Variants in PRDM4 observed in about 807,000 individuals in gnomAD.
The protein encoded by PRDM4 is PR/SET domain 4.
Under a neutral mutation model 62.3 loss-of-function variants are expected in PRDM4, and 38 were observed. The observed-to-expected ratio is 0.61, with a 90% CI of 0.47 to 0.80. PRDM4 has a LOEUF of 0.80. Among genes scored for constraint, PRDM4 ranks in the 30% least tolerant of loss-of-function variants. PRDM4 has a pLI of 0.00. For missense variants in PRDM4, 858 were observed against 997.1 expected (o/e 0.86, Z 1.88); for synonymous variants, 339 against 348.2 (o/e 0.97, Z 0.30).
intron 5 of PRDM4, 113 bp from the exon 6 acceptor site, chr12:107,746,537 T>G (rs1260538835): frequency 5.8e-6 from 6 of 1,033,254 alleles, no homozygotes; most frequent in Non-Finnish European, 6.7e-6. Flanking sequence ...CAGGCTGGAG[T>G]GCAATGGCGC....
intron 6 of PRDM4, 92 bp downstream of exon 6, chr12:107,746,183 A>T: frequency 6.7e-7 from 1 of 1,484,918 alleles, no homozygotes; most frequent in Non-Finnish European, 9.2e-7. Context: ...TTTGGTCCAA[A>T]TAATTACTAA....
chr12:107,752,383 T>A (rs1185957473), intron 4 of PRDM4, among the ~76,000 whole-genome samples, 174 bp from the exon 5 acceptor site: 1 of 152,126 alleles, frequency 6.6e-6, no homozygotes, highest in East Asian at 1.9e-4. Context: ...CGTAATTGAG[T>A]TTTTCCTGTA....
chr12:107,758,401 C>T (rs1432788289), intron 2 of PRDM4: 2 of 152,020 alleles, frequency 1.3e-5, no homozygotes, highest in Admixed American at 1.3e-4. Context: ...AGGCAAGTGC[C>T]ACCATGCCTG....
chr12:107,753,296 C>T (rs1195852109), intron 4 of PRDM4, among the ~76,000 whole-genome samples: 1 of 151,284 alleles, frequency 6.6e-6, no homozygotes, highest in Non-Finnish European at 1.5e-5. Flanking sequence ...ACTCAAGAGT[C>T]TGAGGTGAGA....
In PRDM4 at chr12:107,738,878, AACAC is replaced by A. The variant is rs111582421; in HGVS notation, c.2093+501_2093+504del. On this transcript the variant is annotated intron_variant, in intron 11 of 11. Coordinates refer to ENST00000228437, the MANE Select transcript of PRDM4 (RefSeq NM_012406.4). ...TTTTTTTTTAACTGCAATTCAGACA[AACAC>A]ACACACACACACACACACACACACA... Among the ~76,000 whole-genome samples, 1,287 of 146,976 alleles carry A rather than the reference AACAC, an allele frequency of 8.8e-3. 15 individuals are homozygous for A. Among genetic ancestry groups the A allele is most frequent in the African/African-American group, 0.029 (1,177 of 39,914 alleles).
At chr12:107,749,414 T>C (rs78509358) in intron 5 of PRDM4, among the ~76,000 whole-genome samples, 17 of 128,356 alleles carry the variant, frequency 1.3e-4, no homozygotes, top group East Asian at 9.4e-4. Flanking sequence ...TTTTTTTTTT[T>C]CCTGAGACAG....
intron 4 of PRDM4, among the ~76,000 whole-genome samples, chr12:107,752,741 TA>T (rs1890935720): frequency 6.6e-6 from 1 of 152,200 alleles, no homozygotes; most frequent in Non-Finnish European, 1.5e-5. Flanking sequence ...TGTAAACTGC[TA>T]AAACTTCTTT....
At chr12:107,750,294 C>T (rs2136325185) in intron 5 of PRDM4, among the ~76,000 whole-genome samples, 1 of 152,292 alleles carries the variant, frequency 6.6e-6, no homozygotes, top group East Asian at 1.9e-4. Flanking sequence ...ACCTGTAATC[C>T]TAGCACTCTG....
At chr12:107,737,364 A>G (rs1241683174) in intron 11 of PRDM4, among the ~76,000 whole-genome samples, 2 of 152,032 alleles carry the variant, frequency 1.3e-5, no homozygotes, top group Non-Finnish European at 2.9e-5. Context: ...CTCATTCAAA[A>G]CCATTTTGAG....
rs537864788 is a variant in PRDM4 at position 107,751,869 on chromosome 12, T to C, written c.672A>G (p.Gln224=). The change falls in exon 5 of 12, where the codon CAA becomes CAG. Residue 224 remains glutamine (Q), a synonymous_variant. Coordinates refer to ENST00000228437, the MANE Select transcript of PRDM4 (RefSeq NM_012406.4). ...CATGACTTCTGGAGCCATTTGGGAT[T>C]TGGGAATGCTCGCCTGCAACACCGT... ...TMDGVAGEHS[Q]IPNGSRSHEP... 3.8e-5 allele frequency: 61 copies of C among 1,614,162 alleles called. 1 individual carries two copies. In the East Asian group the frequency reaches 1.3e-3, roughly 34 times the overall value.
chr12:107,747,119 T>TA (rs1832584322), intron 5 of PRDM4, among the ~76,000 whole-genome samples: 1 of 151,604 alleles, frequency 6.6e-6, no homozygotes, highest in Non-Finnish European at 1.5e-5. Flanking sequence ...CCCATCTGTT[T>TA]AAAAAAAATT....
chr12:107,751,350 A>G, intron 5 of PRDM4, 65 bp downstream of exon 5: 1 of 1,480,750 alleles, frequency 6.8e-7, no homozygotes, highest in Non-Finnish European at 9.2e-7. Flanking sequence ...TTTACGACTT[A>G]ACTTGTTAGG....
intron 7 of PRDM4, among the ~76,000 whole-genome samples, chr12:107,744,322 G>T (rs932264948): frequency 5.3e-5 from 8 of 152,140 alleles, no homozygotes; most frequent in African/African-American, 1.9e-4. Flanking sequence ...GACAAAAACA[G>T]TTTGTCCTCT....
chr12:107,758,115 G>A (rs976274608), intron 2 of PRDM4, among the ~76,000 whole-genome samples: 2 of 151,320 alleles, frequency 1.3e-5, no homozygotes, highest in South Asian at 4.2e-4. Flanking sequence ...TTTTAATTCT[G>A]AAAAATGGCA....
At chr12:107,736,245 A>G (rs1890325408) in intron 11 of PRDM4, among the ~76,000 whole-genome samples, 1 of 152,246 alleles carries the variant, frequency 6.6e-6, no homozygotes, top group South Asian at 2.1e-4. Flanking sequence ...AGCATAAACA[A>G]ATGTGTAACG....
intron 6 of PRDM4, among the ~76,000 whole-genome samples, chr12:107,745,988 G>A (rs1359645608): frequency 6.6e-6 from 1 of 152,156 alleles, no homozygotes; most frequent in Non-Finnish European, 1.5e-5. Flanking sequence ...AATTGTTAGT[G>A]GATGAGACAG....
intron 4 of PRDM4, among the ~76,000 whole-genome samples, chr12:107,753,100 A>G (rs1043404984): frequency 6.6e-6 from 1 of 152,258 alleles, no homozygotes; most frequent in Admixed American, 6.5e-5. Context: ...GGCAGGGCAC[A>G]GTGGCTCATG....
At chr12:107,737,841 T>A (rs760414769) in intron 11 of PRDM4, among the ~76,000 whole-genome samples, 19 of 152,312 alleles carry the variant, frequency 1.2e-4, no homozygotes, top group Non-Finnish European at 2.4e-4. Context: ...GGACAAATAT[T>A]TGTCCCCCCT....
intron 8 of PRDM4, 30 bp from the exon 9 acceptor site, chr12:107,742,378 CATTA>C (rs1422853561): frequency 1.2e-6 from 2 of 1,610,866 alleles, no homozygotes; most frequent in Non-Finnish European, 1.7e-6. Context: ...AGATCAAGCA[CATTA>C]ATTTTGAAAT....
Sources: allele counts gnomAD v4.1 joint callset (sites outside exome capture counted in the v4.1 genomes callset), GRCh38; gene constraint gnomAD v4.1.1; transcripts MANE v1.5; gene names NCBI Gene and HGNC (gene_info 2026-07-23, HGNC 2026-07-21).